The following CARHSP1 variants were observed in gnomAD, a reference collection of about 807,000 sequenced individuals.
The protein encoded by CARHSP1 is calcium-regulated heat-stable protein 1.
A neutral mutation model predicts 12.5 loss-of-function variants in CARHSP1; 14 were observed. That is an observed-to-expected ratio of 1.12 (90% CI 0.74 to 1.75). The LOEUF (loss-of-function observed/expected upper bound fraction) is 1.75. Ranked by LOEUF, CARHSP1 falls within the 40% of genes most tolerant of loss-of-function variation. The pLI is 0.00. For synonymous variants in CARHSP1, 161 were observed against 82.0 expected (o/e 1.96, Z -5.20); for missense variants, 343 against 201.6 (o/e 1.70, Z -4.25).
In CARHSP1 at chr16:8,859,226, G is replaced by A. The variant is rs776294517; in HGVS notation, c.103C>T (p.Arg35Trp). ...RSRERSPSPL[R>W]GNVVPSPLPT... ...AGTGGGCTTGGGACCACGTTGCCCC[G>A]CAGAGGGGATGGTGAGCGCTCACGG... The change falls in exon 2 of 4, where the codon CGG becomes TGG. Residue 35 changes from arginine (R) to tryptophan (W), a missense_variant. Physicochemically the swap from Arg to Trp is moderately radical, Grantham distance 101. Coordinates refer to ENST00000311052, the MANE Select transcript of CARHSP1 (RefSeq NM_014316.4). 1.4e-5 allele frequency: 23 copies of A among 1,601,684 alleles called. No individual in the cohort carries two copies. The highest frequency in any genetic ancestry group is 1.7e-4 in the Middle Eastern group (1 of 6,050).
In CARHSP1 at chr16:8,861,212, T is replaced by C. The variant is rs144035460; in HGVS notation, c.-7-1877A>G. On this transcript the variant is annotated intron_variant, in intron 1 of 3. Coordinates refer to ENST00000311052, the MANE Select transcript of CARHSP1 (RefSeq NM_014316.4). ...TTTTTTTTTTTTTATAGAGACAGGG[T>C]ATCACTATGTTGCCCAGGCTGATCT... Among the ~76,000 whole-genome samples, 544 of 99,876 alleles carry C rather than the reference T, an allele frequency of 5.4e-3. 8 individuals carry two copies. Among genetic ancestry groups the C allele is most frequent in the African/African-American group, 0.02 (527 of 25,766 alleles). 65.5% of individuals were successfully genotyped at this position (99,876 alleles called of 152,430 possible).
chr16:8,859,153 A>G lies in CARHSP1; in HGVS notation c.158+18T>C. 1 of 1,577,090 alleles carries G rather than the reference A, an allele frequency of 6.3e-7. No individual in the cohort carries two copies. Among genetic ancestry groups the G allele is most frequent in the Non-Finnish European group, 8.6e-7 (1 of 1,156,758 alleles). Reference sequence around the variant, plus strand: ...GAGATCCATCTGAGAACGCGTCCCCAGCCTGCTCCAGACTCACGCCGAGAA... The same window carrying G: ...GAGATCCATCTGAGAACGCGTCCCCGGCCTGCTCCAGACTCACGCCGAGAA... On this transcript the variant is annotated intron_variant, in intron 2 of 3. Coordinates refer to ENST00000311052, the MANE Select transcript of CARHSP1 (RefSeq NM_014316.4).
rs1278144389 is a variant in CARHSP1, at chr16:8,853,938, T to C, written c.*1226A>G. ...TGGTCTCTACTAAAAATACAAAAAT[T>C]AACCGGGTGTGGTGGCGCATGCCTG... On this transcript the variant is annotated 3_prime_UTR_variant, in exon 4 of 4. Transcript: ENST00000311052. The C allele has an allele frequency of 6.6e-6, 1 of 152,056 alleles. No individual in the cohort carries two copies. The allele number at this position is 152,056 out of a possible 1,614,324, so 9.4% of individuals were successfully genotyped here. A position where few individuals can be genotyped will look rare whatever the true frequency, so the allele number is the denominator to read the frequency against.
At chr16:8,863,740 G>C (rs1276158335) in intron 1 of CARHSP1, among the ~76,000 whole-genome samples, 1 of 152,074 alleles carries the variant, frequency 6.6e-6, no homozygotes, top group Non-Finnish European at 1.5e-5. Flanking sequence ...GGAGGGCCGG[G>C]CAAAGTCCAG....
chr16:8,861,722 G>T (rs994702776), intron 1 of CARHSP1: 2 of 1,287,970 alleles, frequency 1.6e-6, no homozygotes, highest in Non-Finnish European at 2.0e-6. Flanking sequence ...TGAGTCCGGG[G>T]AGCCCCCACC....
rs558154950 is a variant in CARHSP1 at position 8,861,879 on chromosome 16, G to T, written c.-7-2544C>A. 3.6e-6 allele frequency: 4 copies of T among 1,106,588 alleles called. No individual in the cohort carries two copies. In the African/African-American group the frequency reaches 6.6e-5, roughly 18 times the overall value. 68.5% of individuals were successfully genotyped at this position (1,106,588 alleles called of 1,614,324 possible). A position where few individuals can be genotyped will look rare whatever the true frequency, so the allele number is the denominator to read the frequency against. ...GGAGGGCCCTGTCCAGGCCTCCCAG[G>T]ACAGCAGATGGGAGCAGTGGCCTCG... On this transcript the variant is annotated intron_variant, in intron 1 of 3. Transcript: ENST00000311052.
intron 1 of CARHSP1, chr16:8,860,176 C>A: frequency 1.0e-6 from 1 of 985,450 alleles, no homozygotes; most frequent in South Asian, 4.7e-5. Context: ...GTTTGGATCC[C>A]TGAGCAGCTG....
intron 3 of CARHSP1, among the ~76,000 whole-genome samples, 178 bp from the exon 4 acceptor site, chr16:8,855,504 G>C (rs1357580757): frequency 6.6e-6 from 1 of 152,106 alleles, no homozygotes; most frequent in Non-Finnish European, 1.5e-5. Context: ...ACTGCCCCCA[G>C]CCTCTGTCCT....
In CARHSP1 at chr16:8,862,215, T is replaced by C. The variant is rs142667549; in HGVS notation, c.-7-2880A>G. Among the ~76,000 whole-genome samples, 7 of 151,906 alleles carry C rather than the reference T, an allele frequency of 4.6e-5. No homozygotes were observed. In the East Asian group the frequency reaches 1.4e-3, roughly 30 times the overall value. On this transcript the variant is annotated intron_variant, in intron 1 of 3. Transcript: ENST00000311052. ...ATCCTACCCCTTGCCTGCTGTGTGG[T>C]CTTGTACAAGTTACTTAATCTCTCT...
chr16:8,858,392 G>A lies in CARHSP1; in HGVS notation c.239C>T (p.Thr80Ile). The change falls in exon 3 of 4, where the codon ACT (threonine) becomes ATT (isoleucine). Residue 80 changes from threonine (T) to isoleucine (I), a missense_variant. Coordinates refer to ENST00000311052, the MANE Select transcript of CARHSP1 (RefSeq NM_014316.4). ...GATGTCGGGGCCGCCATCAGCTGGAGTAATGAAGCCATGGCCCTTGGACCG... is the reference window on the plus strand; with the variant it reads ...GATGTCGGGGCCGCCATCAGCTGGAATAATGAAGCCATGGCCCTTGGACCG... The part of the protein sequence containing the change: ...FCRSKGHGFI[T>I]PADGGPDIFL... 3 of 1,614,054 alleles carry A rather than the reference G, an allele frequency of 1.9e-6. No individual in the cohort carries two copies. The highest frequency in any genetic ancestry group is 1.7e-6 in the Non-Finnish European group (2 of 1,180,030).
At chr16:8,859,144 C>A in intron 2 of CARHSP1, 27 bp downstream of exon 2, 1 of 1,555,822 alleles carries the variant, frequency 6.4e-7, no homozygotes, top group African/African-American at 1.4e-5. Context: ...CATCTGAGAA[C>A]GCGTCCCCAG....
At chr16:8,860,367 G>A (rs1057123983) in intron 1 of CARHSP1, 9 of 985,474 alleles carry the variant, frequency 9.1e-6, no homozygotes, top group Middle Eastern at 5.2e-4. Flanking sequence ...AATCCAGCTG[G>A]AGGGCGGGAA....
At chr16:8,861,989 CTTTTTTTTTTTTTTTTTTTT>C (rs537614451) in intron 1 of CARHSP1, among the ~76,000 whole-genome samples, 4 of 79,772 alleles carry the variant, frequency 5.0e-5, no homozygotes, top group Non-Finnish European at 1.0e-4. Context: ...GCATAGCTGA[CTTTTTTTTTTTTTTTTTTTT>C]TTTTTTTTAA....
At chr16:8,866,192 G>A (rs1441407977) in intron 1 of CARHSP1, among the ~76,000 whole-genome samples, 1 of 152,190 alleles carries the variant, frequency 6.6e-6, no homozygotes, top group African/African-American at 2.4e-5. Context: ...AGGCTCAAGA[G>A]ATTCTCCCAC....
At chr16:8,858,113 C>G (rs1180074939) in intron 3 of CARHSP1, 1 of 556,990 alleles carries the variant, frequency 1.8e-6, no homozygotes, top group Non-Finnish European at 3.2e-6. Context: ...GGGACAATCA[C>G]AAGTACCGTG....
chr16:8,858,280 C>A, intron 3 of CARHSP1, 70 bp downstream of exon 3: 1 of 1,565,110 alleles, frequency 6.4e-7, no homozygotes. Context: ...AGTCACACAC[C>A]ATCCCCACCT....
chr16:8,860,145 C>G (rs563170637), intron 1 of CARHSP1: 3 of 985,318 alleles, frequency 3.0e-6, no homozygotes, highest in South Asian at 4.7e-5. Flanking sequence ...TGGAACACGT[C>G]GCAGAGAGCT....
chr16:8,858,283 C>T (rs1009572428), intron 3 of CARHSP1, 67 bp downstream of exon 3: 2 of 1,572,730 alleles, frequency 1.3e-6, no homozygotes, highest in Non-Finnish European at 1.7e-6. Flanking sequence ...CACACACCAT[C>T]CCCACCTCCA....
At chr16:8,865,965 T>C (rs1454254660) in intron 1 of CARHSP1, among the ~76,000 whole-genome samples, 1 of 152,064 alleles carries the variant, frequency 6.6e-6, no homozygotes, top group African/African-American at 2.4e-5. Context: ...TCTTTTTTAT[T>C]TTTTTTGAGA....
Sources: allele counts gnomAD v4.1 joint callset (sites outside exome capture counted in the v4.1 genomes callset), GRCh38; gene constraint gnomAD v4.1.1; transcripts MANE v1.5; gene names NCBI Gene and HGNC (gene_info 2026-07-23, HGNC 2026-07-21).